Variants in GOLM2 observed in about 807,000 individuals in gnomAD.
The protein encoded by GOLM2 is protein GOLM2.
A neutral mutation model predicts 55.9 loss-of-function variants in GOLM2; 26 were observed. The ratio of observed to expected loss-of-function variants is 0.47; its 90% CI spans 0.34 to 0.65. GOLM2 has a LOEUF of 0.65. Among genes scored for constraint, GOLM2 ranks in the 30% least tolerant of loss-of-function variants. The pLI, the probability that GOLM2 is intolerant of heterozygous loss-of-function variation, is 0.01. For synonymous variants in GOLM2, 165 were observed against 194.6 expected (o/e 0.85, Z 1.27); for missense variants, 486 against 531.8 (o/e 0.91, Z 0.85).
intron 1 of GOLM2, among the ~76,000 whole-genome samples, chr15:44,317,479 T>C (rs1472003023): frequency 6.6e-6 from 1 of 152,230 alleles, no homozygotes; most frequent in Non-Finnish European, 1.5e-5. Context: ...GATTAGGTTC[T>C]GCAAATGAAG....
In GOLM2 at chr15:44,387,817, T is replaced by C. The variant is rs538376818; in HGVS notation, c.1072+6841T>C. On this transcript the variant is annotated intron_variant, in intron 8 of 9. Coordinates refer to ENST00000299957, the MANE Select transcript of GOLM2 (RefSeq NM_138423.4). ...TTTTGTGTGTGTTGATCTTGTATCA[T>C]GCAGCTTTATACAACTTGACACAAA... Among the ~76,000 whole-genome samples the C allele has an allele frequency of 1.7e-3, 257 of 152,066 alleles. 1 individual carries two copies. The highest frequency in any genetic ancestry group is 6.0e-3 in the African/African-American group (248 of 41,488).
intron 6 of GOLM2, among the ~76,000 whole-genome samples, chr15:44,361,687 C>T (rs2079240954): frequency 6.6e-6 from 1 of 152,104 alleles, no homozygotes; most frequent in Non-Finnish European, 1.5e-5. Flanking sequence ...TCCTCCCTAA[C>T]TCATTTTATG....
chr15:44,378,032 ATTATTTATTTAT>A (rs534507298), intron 6 of GOLM2, among the ~76,000 whole-genome samples: 10 of 148,748 alleles, frequency 6.7e-5, no homozygotes, highest in African/African-American at 2.5e-4. Context: ...TATTTTTTAA[ATTATTTATTTAT>A]TTATTTATTT....
intron 9 of GOLM2, among the ~76,000 whole-genome samples, chr15:44,407,453 G>A (rs1423431985): frequency 8.6e-5 from 13 of 151,254 alleles, no homozygotes; most frequent in Admixed American, 7.3e-4. Flanking sequence ...TTTTTGTAGT[G>A]GCAGGATTTA....
chr15:44,413,917 T>G lies in GOLM2; in HGVS notation c.*511T>G, dbSNP rs1191907993. On this transcript the variant is annotated 3_prime_UTR_variant, in exon 10 of 10. Transcript: ENST00000299957. ...CCTCCGCCTCCTGGGTTCAGGCAAT[T>G]TTCCTGCCTCAGCCTCCCAAGTAGC... 1 of 152,190 alleles carries G rather than the reference T, an allele frequency of 6.6e-6. No homozygotes were observed. Among genetic ancestry groups the G allele is most frequent in the East Asian group, 1.9e-4 (1 of 5,202 alleles). The allele number at this position is 152,190 out of a possible 1,614,324, so 9.4% of individuals were successfully genotyped here. A position where few individuals can be genotyped will look rare whatever the true frequency, so the allele number is the denominator to read the frequency against.
chr15:44,359,833 A>G (rs2141169950), intron 6 of GOLM2, among the ~76,000 whole-genome samples: 1 of 152,378 alleles, frequency 6.6e-6, no homozygotes, highest in African/African-American at 2.4e-5. Context: ...AGGGAAGCCC[A>G]TCAGACTAAC....
At chr15:44,362,605 T>C (rs1240310021) in intron 6 of GOLM2, among the ~76,000 whole-genome samples, 1 of 152,114 alleles carries the variant, frequency 6.6e-6, no homozygotes, top group Non-Finnish European at 1.5e-5. Flanking sequence ...ATCATGAAAA[T>C]GGCCATACTG....
intron 9 of GOLM2, among the ~76,000 whole-genome samples, chr15:44,411,967 G>C (rs2079641520): frequency 6.6e-6 from 1 of 152,070 alleles, no homozygotes; most frequent in Admixed American, 6.6e-5. Flanking sequence ...AGGAGTTCCA[G>C]ACTAGCCTGG....
At chr15:44,390,157 A>G (rs1213189670) in intron 8 of GOLM2, 2 of 152,192 alleles carry the variant, frequency 1.3e-5, no homozygotes, top group Non-Finnish European at 2.9e-5. Context: ...TATTTGGAAG[A>G]TGTATTTGGG....
chr15:44,294,132 C>A (rs1270499760), intron 1 of GOLM2, among the ~76,000 whole-genome samples: 1 of 152,162 alleles, frequency 6.6e-6, no homozygotes, highest in Non-Finnish European at 1.5e-5. Flanking sequence ...TTTCCACATA[C>A]CCTACACCCA....
intron 8 of GOLM2, among the ~76,000 whole-genome samples, chr15:44,396,231 C>T (rs531752501): frequency 4.0e-5 from 6 of 151,890 alleles, no homozygotes; most frequent in South Asian, 4.2e-4. Context: ...TGTGGTAAAC[C>T]CCTGTAATCC....
chr15:44,401,467 G>T (rs895402223), intron 8 of GOLM2, among the ~76,000 whole-genome samples: 1 of 151,888 alleles, frequency 6.6e-6, no homozygotes, highest in Non-Finnish European at 1.5e-5. Context: ...ACCCAGGCTG[G>T]TCTCAAACTC....
At chr15:44,347,510 A>C (rs534122818) in intron 6 of GOLM2, among the ~76,000 whole-genome samples, 1 of 152,302 alleles carries the variant, frequency 6.6e-6, no homozygotes, top group South Asian at 2.1e-4. Flanking sequence ...CCTGTGGACT[A>C]ACCCTAGTCA....
chr15:44,390,743 A>G (rs1212922491), intron 8 of GOLM2, among the ~76,000 whole-genome samples: 5 of 151,684 alleles, frequency 3.3e-5, no homozygotes, highest in Non-Finnish European at 5.9e-5. Context: ...CTAATGTTAT[A>G]TTTTTAGTAG....
intron 6 of GOLM2, among the ~76,000 whole-genome samples, chr15:44,341,504 A>G (rs2141149769): frequency 6.6e-6 from 1 of 152,330 alleles, no homozygotes; most frequent in South Asian, 2.1e-4. Flanking sequence ...TGTTTAGGGT[A>G]AAATGAAATG....
intron 6 of GOLM2, 143 bp downstream of exon 6, chr15:44,338,460 C>A: frequency 1.6e-6 from 1 of 630,520 alleles, no homozygotes; most frequent in South Asian, 2.6e-5. Flanking sequence ...CCATTAATTG[C>A]CAGGACTTTT....
rs567567050 is a variant in GOLM2, at chr15:44,367,807, A to G, written c.803-11883A>G. Among the ~76,000 whole-genome samples the G allele has an allele frequency of 1.9e-3, 293 of 150,816 alleles. 1 individual carries two copies. The highest frequency in any genetic ancestry group is 6.7e-3 in the African/African-American group (277 of 41,176). ...TCTGTCTCAAAAAAAAAAAAAAAAG[A>G]TGCAGTTCCAACTGTCTTCTGGCCT... On this transcript the variant is annotated intron_variant, in intron 6 of 9. Transcript: ENST00000299957.
At chr15:44,343,638 C>T (rs1414191015) in intron 6 of GOLM2, among the ~76,000 whole-genome samples, 1 of 151,422 alleles carries the variant, frequency 6.6e-6, no homozygotes, top group Non-Finnish European at 1.5e-5. Context: ...CCAGCCTGGC[C>T]AACATGGTGA....
intron 1 of GOLM2, among the ~76,000 whole-genome samples, chr15:44,312,542 G>C (rs1478251460): frequency 1.3e-5 from 2 of 152,086 alleles, no homozygotes; most frequent in African/African-American, 4.8e-5. Flanking sequence ...CTCTCTACCT[G>C]TTCTCTGGAT....
Sources: gnomAD v4.1 joint callset for allele counts (sites outside exome capture counted in the v4.1 genomes callset) on GRCh38, gnomAD v4.1.1 for gene constraint, MANE v1.5 for transcripts, NCBI Gene and HGNC (gene_info 2026-07-23, HGNC 2026-07-21) for gene names.